ACYP2: variants seen among roughly 807,000 people sequenced by gnomAD.
The protein encoded by ACYP2 is acylphosphatase-2.
Under a neutral mutation model 11.2 loss-of-function variants are expected in ACYP2, and 12 were observed. The ratio of observed to expected loss-of-function variants is 1.08; its 90% confidence interval spans 0.69 to 1.74. The LOEUF is 1.74. ACYP2 is among the 40% of genes most tolerant of loss of function. The pLI is 0.00. For synonymous variants in ACYP2, 43 were observed against 32.2 expected (o/e 1.33, Z -1.13); for missense variants, 134 against 101.9 (o/e 1.31, Z -1.35).
chr2:54,222,920 C>T (rs1172577463), intron 6 of ACYP2: 2 of 152,182 alleles, frequency 1.3e-5, no homozygotes, highest in Non-Finnish European at 2.9e-5. Context: ...AGATCTCCAC[C>T]ATTCTTTCCC....
At chr2:54,001,518 C>G (rs985513340) in intron 2 of ACYP2, among the ~76,000 whole-genome samples, 2 of 152,254 alleles carry the variant, frequency 1.3e-5, no homozygotes, top group African/African-American at 4.8e-5. Flanking sequence ...CTCAGCCTCC[C>G]AAGTAGCTGG....
chr2:54,206,951 A>AT (rs1473529221), intron 6 of ACYP2, among the ~76,000 whole-genome samples: 1 of 151,978 alleles, frequency 6.6e-6, no homozygotes, highest in African/African-American at 2.4e-5. Flanking sequence ...CAGTACATTT[A>AT]TTTTTTTGTT....
At chr2:54,050,385 A>G (rs1454178740) in intron 2 of ACYP2, among the ~76,000 whole-genome samples, 1 of 151,822 alleles carries the variant, frequency 6.6e-6, no homozygotes, top group Non-Finnish European at 1.5e-5. Flanking sequence ...TCCCATCTCT[A>G]GAAGTCATTA....
At position 54,304,670 on chromosome 2, in the gene ACYP2, TTATC is replaced by T; in HGVS notation, c.405-16_405-13del. 6.4e-7 allele frequency: 1 copy of T among 1,564,440 alleles called. No individual in the cohort carries two copies. Among genetic ancestry groups the T allele is most frequent in the South Asian group, 1.1e-5 (1 of 88,598 alleles). The stretch of plus-strand genomic sequence containing the variant: ...TACTTTGTATGCTAATTTTATTTAT[TTATC>T]TGTTTTTTTATAGGAAGTCCTGGCT... On this transcript the variant is annotated splice_polypyrimidine_tract_variant and intron_variant, in intron 6 of 6. Coordinates refer to ENST00000607452, the MANE Select transcript of ACYP2 (RefSeq NM_001320586.2).
At chr2:54,138,978 A>AT (rs1681439599) in intron 6 of ACYP2, among the ~76,000 whole-genome samples, 1 of 152,164 alleles carries the variant, frequency 6.6e-6, no homozygotes, top group Non-Finnish European at 1.5e-5. Context: ...TTAATGTTTC[A>AT]TTGGACAGTA....
chr2:53,982,836 G>C (rs954346094), intron 2 of ACYP2, among the ~76,000 whole-genome samples: 8 of 79,174 alleles, frequency 1.0e-4, no homozygotes, highest in African/African-American at 3.3e-4. Flanking sequence ...GACTGTGTGT[G>C]TGTGTGTGTG....
chr2:54,109,446 A>G (rs1006724537), intron 4 of ACYP2, among the ~76,000 whole-genome samples: 1 of 152,140 alleles, frequency 6.6e-6, no homozygotes, highest in Non-Finnish European at 1.5e-5. Context: ...AAAAAACTGC[A>G]TATTGGGTAC....
intron 2 of ACYP2, among the ~76,000 whole-genome samples, chr2:54,030,286 C>G (rs1415603729): frequency 1.3e-5 from 2 of 152,154 alleles, no homozygotes; most frequent in Non-Finnish European, 2.9e-5. Context: ...ACAGCTGCCT[C>G]TGTTACCTTG....
chr2:53,977,495 G>C (rs1242109185), intron 2 of ACYP2, among the ~76,000 whole-genome samples: 1 of 151,924 alleles, frequency 6.6e-6, no homozygotes, highest in Non-Finnish European at 1.5e-5. Flanking sequence ...AGCACTTTGG[G>C]AGGCTGAGGT....
At chr2:53,990,287 T>C (rs1223290018) in intron 2 of ACYP2, among the ~76,000 whole-genome samples, 3 of 151,604 alleles carry the variant, frequency 2.0e-5, no homozygotes, top group Non-Finnish European at 4.4e-5. Flanking sequence ...CATATAACAC[T>C]TTTCAGTAAA....
chr2:54,212,051 G>T (rs1272976403), intron 6 of ACYP2, among the ~76,000 whole-genome samples: 1 of 152,146 alleles, frequency 6.6e-6, no homozygotes, highest in Non-Finnish European at 1.5e-5. Flanking sequence ...ATGAATGAAG[G>T]GATAAACAAA....
At position 54,135,436 on chromosome 2, in the gene ACYP2, A is replaced by G. The variant is rs1249032261; in HGVS notation, c.278-17A>G. 2 of 1,606,064 alleles carry G rather than the reference A, an allele frequency of 1.2e-6. No individual in the cohort carries two copies. Among genetic ancestry groups the G allele is most frequent in the African/African-American group, 1.3e-5 (1 of 74,580 alleles). ...GGAGGACAAGCTGACAATTCTTTTT[A>G]TCTTTCTTTTATACAGGTGTTTGCT... On this transcript the variant is annotated splice_polypyrimidine_tract_variant and intron_variant, in intron 4 of 6. Transcript: ENST00000607452.
At chr2:54,037,900 G>A (rs1573577541) in intron 2 of ACYP2, among the ~76,000 whole-genome samples, 1 of 152,134 alleles carries the variant, frequency 6.6e-6, no homozygotes, top group African/African-American at 2.4e-5. Flanking sequence ...ATTCTTTCAG[G>A]AATGTGAAGG....
intron 6 of ACYP2, among the ~76,000 whole-genome samples, chr2:54,237,848 C>T (rs1261068532): frequency 6.6e-6 from 1 of 152,064 alleles, no homozygotes; most frequent in African/African-American, 2.4e-5. Flanking sequence ...ATTCTCTCTT[C>T]CCTCTCTTCT....
At chr2:54,293,788 C>T (rs1442627610) in intron 6 of ACYP2, among the ~76,000 whole-genome samples, 1 of 152,086 alleles carries the variant, frequency 6.6e-6, no homozygotes, top group Non-Finnish European at 1.5e-5. Flanking sequence ...TCTAGGATTT[C>T]CTGGATAATC....
chr2:53,981,923 C>G (rs1433309378), intron 2 of ACYP2, among the ~76,000 whole-genome samples: 1 of 152,092 alleles, frequency 6.6e-6, no homozygotes, highest in Non-Finnish European at 1.5e-5. Flanking sequence ...TTTATTAAAA[C>G]GTTTATTTGA....
chr2:54,135,096 A>G (rs189253418), intron 4 of ACYP2, among the ~76,000 whole-genome samples: 1 of 152,322 alleles, frequency 6.6e-6, no homozygotes, highest in Non-Finnish European at 1.5e-5. Context: ...TTCATCATTA[A>G]GTAAAATAAG....
intron 4 of ACYP2, among the ~76,000 whole-genome samples, chr2:54,099,421 AGC>A (rs1490255172): frequency 3.3e-5 from 5 of 152,212 alleles, no homozygotes; most frequent in Non-Finnish European, 7.3e-5. Flanking sequence ...TCCTTTGACC[AGC>A]GTCTCCCCAG....
At chr2:54,148,638 A>G (rs1682009791) in intron 6 of ACYP2, among the ~76,000 whole-genome samples, 1 of 152,128 alleles carries the variant, frequency 6.6e-6, no homozygotes, top group Non-Finnish European at 1.5e-5. Flanking sequence ...CAGTATGTGG[A>G]TAGTGTTTGA....
Sources: gnomAD v4.1 joint callset for allele counts (sites outside exome capture counted in the v4.1 genomes callset) on GRCh38, gnomAD v4.1.1 for gene constraint, MANE v1.5 for transcripts, NCBI Gene and HGNC (gene_info 2026-07-23, HGNC 2026-07-21) for gene names.